Variants in CNGB1 observed in about 807,000 individuals in gnomAD.
CNGB1 encodes cyclic nucleotide gated channel subunit beta 1.
CNGB1 carries 126 observed loss-of-function variants against 151.7 expected under a neutral mutation model. The ratio of observed to expected loss-of-function variants is 0.83; its 90% CI spans 0.72 to 0.96. The LOEUF (loss-of-function observed/expected upper bound fraction) is 0.96, where lower values mean the gene tolerates loss of function less well. CNGB1 is among the 40% of genes least tolerant of loss of function. CNGB1 has a pLI of 0.00. For missense variants in CNGB1, 1,698 were observed against 1,627.0 expected, an observed-to-expected ratio of 1.04 and a Z score of -0.75; for synonymous variants, 623 against 635.1, an observed-to-expected ratio of 0.98 and a Z score of 0.29.
Position 57,904,719 on chromosome 16 carries a change from C to A in CNGB1, c.2634+15G>T, listed in dbSNP as rs1333298299. ...CAGTCAGGTGGGGTGGGAAGCTGGG[C>A]TGGTGCCCCGATACCTGTCCGATCA... On this transcript the variant is annotated intron_variant, in intron 26 of 32. Coordinates refer to ENST00000251102, the MANE Select transcript of CNGB1 (RefSeq NM_001297.5). 1.2e-6 allele frequency: 2 copies of A among 1,613,816 alleles called. No homozygotes were observed. The highest frequency in any genetic ancestry group is 1.7e-5 in the Admixed American group (1 of 59,998).
rs575220392 is a variant in CNGB1, at chr16:57,904,908, T to C, written c.2493-33A>G. On this transcript the variant is annotated intron_variant, in intron 25 of 32. Coordinates refer to ENST00000251102, the MANE Select transcript of CNGB1 (RefSeq NM_001297.5). ...GAGAGGAGAAAGGGAACATGGGTCA[T>C]CACAGGCCCCACTCTGCCGCCCCGA... is the stretch of plus-strand genomic sequence containing the variant. The C allele has an allele frequency of 5.6e-6, 9 of 1,613,968 alleles. 1 individual carries two copies. Among genetic ancestry groups the C allele is most frequent in the East Asian group, 4.5e-5 (2 of 44,886 alleles).
rs1959779443 is a variant in CNGB1 at position 57,882,392 on chromosome 16, AT to A, written c.*1771del. On this transcript the variant is annotated 3_prime_UTR_variant, in exon 33 of 33. Transcript: ENST00000251102. ...AATCATCACTATATTCAATGTGATG[AT>A]TACCCGGATCACGTGACAAGCCATC... 6.6e-6 allele frequency: 1 copy of A among 151,872 alleles called. No homozygotes were observed. The highest frequency in any genetic ancestry group is 1.5e-5 in the Non-Finnish European group (1 of 68,002). 9.4% of individuals were successfully genotyped at this position (151,872 alleles called of 1,614,324 possible).
At chr16:57,932,988 C>T (rs1216753660) in intron 16 of CNGB1, among the ~76,000 whole-genome samples, 2 of 152,176 alleles carry the variant, frequency 1.3e-5, no homozygotes, top group East Asian at 1.9e-4. Context: ...GATTGCAGCT[C>T]ACTGCAACCT....
At position 57,958,064 on chromosome 16, in the gene CNGB1, C is replaced by T. The variant is rs1962136070; in HGVS notation, c.837+346G>A. Among the ~76,000 whole-genome samples, 3 of 152,318 alleles carry T rather than the reference C, an allele frequency of 2.0e-5. No individual in the cohort carries two copies. In the South Asian group the frequency reaches 6.2e-4, roughly 32 times the overall value. On this transcript the variant is annotated intron_variant, in intron 11 of 32. Transcript: ENST00000251102. ...GGGCTGCCGGCTCCTGTGAGCCTTA[C>T]TTCTTCCCAGAATCTAGGTATCTCT... is the stretch of plus-strand genomic sequence containing the variant.
At chr16:57,929,719 G>A (rs766793596) in intron 17 of CNGB1, among the ~76,000 whole-genome samples, 24 of 152,172 alleles carry the variant, frequency 1.6e-4, no homozygotes, top group Non-Finnish European at 2.6e-4. Context: ...ATTGGATCTC[G>A]TGAGAACTCA....
chr16:57,895,402 C>CA lies in CNGB1; in HGVS notation c.3242+1994dup, dbSNP rs1171190349. Among the ~76,000 whole-genome samples the CA allele has an allele frequency of 5.7e-3, 753 of 132,080 alleles. 6 individuals are homozygous for CA. Among genetic ancestry groups the CA allele is most frequent in the Non-Finnish European group, 6.0e-3 (371 of 61,422 alleles). The allele number at this position is 132,080 out of a possible 152,430, so 86.6% of individuals were successfully genotyped here. Reference sequence around the variant, plus strand: ...GGGTGACAAGAGTGAAACTCCGTCTCAAAAAAAAAAAGAATGAATTCTGTG... The same window carrying CA: ...GGGTGACAAGAGTGAAACTCCGTCTCAAAAAAAAAAAAGAATGAATTCTGTG... On this transcript the variant is annotated intron_variant, in intron 31 of 32. Coordinates refer to ENST00000251102, the MANE Select transcript of CNGB1 (RefSeq NM_001297.5).
At chr16:57,899,643 T>TAAAC (rs60648950) in intron 29 of CNGB1, among the ~76,000 whole-genome samples, 9,912 of 151,782 alleles carry the variant, frequency 0.065, 386 homozygotes, top group Admixed American at 0.12. Context: ...TGGTCTCAAA[T>TAAAC]AAACAAACAA....
chr16:57,913,935 C>T (rs1014596174), intron 23 of CNGB1, among the ~76,000 whole-genome samples: 2 of 152,202 alleles, frequency 1.3e-5, no homozygotes, highest in African/African-American at 4.8e-5. Context: ...CAACCCAGGC[C>T]AGACTCAGAG....
chr16:57,912,797 ATGTTGTGTGTGTGTTGTGTG>A, intron 24 of CNGB1, 113 bp downstream of exon 24: 1 of 851,252 alleles, frequency 1.2e-6, no homozygotes, highest in Non-Finnish European at 1.9e-6. Flanking sequence ...GTATGTGTGT[ATGTTGTGTGTGTGTTGTGTG>A]TGTCGTGTGT....
intron 9 of CNGB1, 61 bp from the exon 10 acceptor site, chr16:57,960,126 T>A: frequency 1.3e-6 from 2 of 1,531,970 alleles, no homozygotes; most frequent in Non-Finnish European, 1.7e-6. Flanking sequence ...CTCCAACCCC[T>A]CAAGGGCACG....
chr16:57,922,497 C>T (rs1278355823), intron 18 of CNGB1, among the ~76,000 whole-genome samples: 1 of 148,708 alleles, frequency 6.7e-6, no homozygotes, highest in Non-Finnish European at 1.5e-5. Flanking sequence ...GGTGTGATCT[C>T]AGCTCACTGC....
chr16:57,891,076 A>G (rs1240513963), intron 31 of CNGB1, among the ~76,000 whole-genome samples: 1 of 152,138 alleles, frequency 6.6e-6, no homozygotes, highest in African/African-American at 2.4e-5. Flanking sequence ...TGATTTGCCA[A>G]ACTCTTGCCT....
rs561267653 is a variant in CNGB1, at chr16:57,947,981, T to G, written c.1121+1372A>C. On this transcript the variant is annotated intron_variant, in intron 14 of 32. Coordinates refer to ENST00000251102, the MANE Select transcript of CNGB1 (RefSeq NM_001297.5). Reference sequence around the variant, plus strand: ...AGTTGGCGTTTCTGATGCCAAAGCCTGTGCTCCTAACACTCACAGTGCTAT... The same window carrying G: ...AGTTGGCGTTTCTGATGCCAAAGCCGGTGCTCCTAACACTCACAGTGCTAT... 5.9e-5 allele frequency among the ~76,000 whole-genome samples: 9 copies of G among 152,326 alleles called. 1 individual carries two copies. In the South Asian group the frequency reaches 1.7e-3, roughly 28 times the overall value.
intron 17 of CNGB1, among the ~76,000 whole-genome samples, chr16:57,927,165 G>A (rs1379794201): frequency 6.6e-6 from 1 of 152,120 alleles, no homozygotes; most frequent in East Asian, 1.9e-4. Context: ...GTAACCAGGT[G>A]GTGTTTCTTT....
chr16:57,893,677 A>C (rs1432477948), intron 31 of CNGB1, among the ~76,000 whole-genome samples: 1 of 152,090 alleles, frequency 6.6e-6, no homozygotes, highest in Non-Finnish European at 1.5e-5. Context: ...ATGTGCCTGC[A>C]GTAGTCCCAG....
intron 25 of CNGB1, among the ~76,000 whole-genome samples, chr16:57,907,038 T>A (rs1311357720): frequency 1.3e-5 from 2 of 152,330 alleles, no homozygotes; most frequent in Non-Finnish European, 2.9e-5. Context: ...TTCTTAAGAA[T>A]CCTCCTTCAT....
At position 57,964,556 on chromosome 16, in the gene CNGB1, G is replaced by A. The variant is rs374210189; in HGVS notation, c.160-12C>T. On this transcript the variant is annotated splice_polypyrimidine_tract_variant and intron_variant, in intron 2 of 32. Transcript: ENST00000251102. ...GACTCTTCGGGGGGCTAGAGGGTTC[G>A]AACAGGATCATGTAAGTCCTAGGTG... 5.1e-5 allele frequency: 82 copies of A among 1,613,398 alleles called. 1 individual carries two copies. Among genetic ancestry groups the A allele is most frequent in the African/African-American group, 3.2e-4 (24 of 74,910 alleles).
chr16:57,959,788 G>A, intron 10 of CNGB1, 100 bp downstream of exon 10: 1 of 1,386,564 alleles, frequency 7.2e-7, no homozygotes, highest in Non-Finnish European at 9.4e-7. Flanking sequence ...CACACATCCA[G>A]TTGAATTTTC....
intron 12 of CNGB1, among the ~76,000 whole-genome samples, chr16:57,952,851 T>G (rs1334875866): frequency 6.6e-6 from 1 of 152,048 alleles, no homozygotes; most frequent in African/African-American, 2.4e-5. Flanking sequence ...TGTCCTATAC[T>G]GTTCCCATTT....
Sources: allele counts gnomAD v4.1 joint callset (sites outside exome capture counted in the v4.1 genomes callset), GRCh38; gene constraint gnomAD v4.1.1; transcripts MANE v1.5; gene names NCBI Gene and HGNC (gene_info 2026-07-23, HGNC 2026-07-21).